Variants in DNAH2 observed in about 807,000 individuals in gnomAD.
DNAH2 encodes axonemal beta dynein heavy chain 2.
Under a neutral mutation model 523.5 loss-of-function variants are expected in DNAH2, and 323 were observed. The observed-to-expected ratio is 0.62, with a 90% CI of 0.56 to 0.68. The LOEUF (loss-of-function observed/expected upper bound fraction) is 0.68. Among genes scored for constraint, DNAH2 ranks in the 30% least tolerant of loss-of-function variants. DNAH2 has a pLI of 0.00. For missense variants in DNAH2, 4,907 were observed against 5,701.5 expected, an observed-to-expected ratio of 0.86 and a Z score of 4.49; for synonymous variants, 2,093 against 2,177.4, an observed-to-expected ratio of 0.96 and a Z score of 1.08.
chr17:7,739,144 G>A (rs886241364), intron 8 of DNAH2: 3 of 576,458 alleles, frequency 5.2e-6, no homozygotes, highest in Non-Finnish European at 9.6e-6. Flanking sequence ...GGTGGCTCAC[G>A]CCTGTAATCC....
In DNAH2 at chr17:7,805,268, A is replaced by T. The variant is rs1447096678; in HGVS notation, c.9317A>T (p.Asn3106Ile). 1.9e-6 allele frequency: 3 copies of T among 1,614,122 alleles called. No homozygotes were observed. Among genetic ancestry groups the T allele is most frequent in the Non-Finnish European group, 2.5e-6 (3 of 1,180,050 alleles). The change falls in exon 61 of 86, where the codon AAC (asparagine) becomes ATC (isoleucine). Residue 3106 changes from asparagine (N) to isoleucine (I), a missense_variant. Coordinates refer to ENST00000572933, the MANE Select transcript of DNAH2 (RefSeq NM_020877.5). The stretch of plus-strand genomic sequence containing the variant: ...TTCCCCCAGGCCCTGGAGTCTCTGA[A>T]CAAGAAGGATATAGGAGAGATCAAG... ...EEAMRALESL[N>I]KKDIGEIKSY...
At position 7,798,490 on chromosome 17, in the gene DNAH2, C is replaced by T; in HGVS notation, c.8399-68C>T. ...CGGGGCGGGGAGGGTTCCTAAATCT[C>T]AGAAAAGGAATCAAGCCCAGGATGG... is the stretch of plus-strand genomic sequence containing the variant. On this transcript the variant is annotated intron_variant, in intron 54 of 85. Transcript: ENST00000572933. The surrounding 1 kb of genome is among the most constrained non-coding windows in gnomAD (Gnocchi z 5.5). 1 of 1,592,976 alleles carries T rather than the reference C, an allele frequency of 6.3e-7. No homozygotes were observed. The highest frequency in any genetic ancestry group is 8.5e-7 in the Non-Finnish European group (1 of 1,169,842).
At chr17:7,728,126 T>C (rs2074880194) in intron 4 of DNAH2, among the ~76,000 whole-genome samples, 1 of 152,202 alleles carries the variant, frequency 6.6e-6, no homozygotes, top group South Asian at 2.1e-4. Flanking sequence ...AAGTCTTTTA[T>C]AGTTTAGATA....
At position 7,824,577 on chromosome 17, in the gene DNAH2, T is replaced by C; in HGVS notation, c.11703T>C (p.Ser3901=). The C allele has an allele frequency of 6.3e-7, 1 of 1,593,952 alleles. No homozygotes were observed. Among genetic ancestry groups the C allele is most frequent in the African/African-American group, 1.3e-5 (1 of 74,456 alleles). The change falls in exon 77 of 86, where the codon TCT becomes TCC. Residue 3901 remains serine (S), a synonymous_variant. Transcript: ENST00000572933. ...TGGCAAACTGCCACCTGTCACTGTC[T>C]TGGATGCCTAATCTGGACAAGCTGG... The part of the protein sequence containing the change: ...VFLANCHLSL[S]WMPNLDKLVE...
rs369061468 is a variant in DNAH2, at chr17:7,807,269, C to T, written c.9562C>T (p.Arg3188Cys). 2.7e-5 allele frequency: 43 copies of T among 1,613,890 alleles called. No homozygotes were observed. The highest frequency in any genetic ancestry group is 3.2e-5 in the Non-Finnish European group (38 of 1,180,028). The part of the protein sequence containing the change: ...QPDFQPDIIG[R>C]VSLAAKSLCM... ...TGACTTCCAGCCTGATATCATCGGC[C>T]GCGTCTCCCTGGCTGCCAAGTCCCT... The change falls in exon 62 of 86, where the codon CGC (arginine) becomes TGC (cysteine). Residue 3188 changes from arginine to cysteine, a missense_variant. Arg to Cys is a radical substitution (Grantham distance 180). Around this residue, in one of 3 missense-constraint regions of DNAH2, gnomAD observed 1,851 missense variants for 2,139.4 expected, o/e 0.87. Coordinates refer to ENST00000572933, the MANE Select transcript of DNAH2 (RefSeq NM_020877.5). The surrounding 1 kb of genome is among the most constrained non-coding windows in gnomAD (Gnocchi z 5.6).
Position 7,776,788 on chromosome 17 carries a change from A to G in DNAH2, c.4957A>G (p.Thr1653Ala), listed in dbSNP as rs1397761084. 1.9e-6 allele frequency: 3 copies of G among 1,612,428 alleles called. No homozygotes were observed. The Admixed American group carries it at 5.0e-5, about 27-fold the overall frequency. Residue 1653 changes from threonine to alanine, a missense_variant, in exon 32 of 86, where the codon ACT (threonine) becomes GCT (alanine). Physicochemically the swap from Thr to Ala is moderately conservative, Grantham distance 58. Transcript: ENST00000572933. ...VKEWAGQVVI[T>A]ASQIQWTADV... ...TTCTGCACATCCCCAGGTGGTGATC[A>G]CTGCCAGTCAGATCCAGTGGACGGC...
In DNAH2 at chr17:7,771,354, C is replaced by T. The variant is rs376959169; in HGVS notation, c.4387C>T (p.Arg1463Cys). 43 of 1,613,988 alleles carry T rather than the reference C, an allele frequency of 2.7e-5. No individual in the cohort carries two copies. Among genetic ancestry groups the T allele is most frequent in the African/African-American group, 1.1e-4 (8 of 74,894 alleles). Reference protein sequence around the residue: ...LENIFLGEDIRKQLPNESTLF... With the variant: ...LENIFLGEDICKQLPNESTLF... ...GAATATCTTCCTAGGAGAAGACATC[C>T]GCAAGCAGCTGCCCAATGAATCGAC... is the stretch of plus-strand genomic sequence containing the variant. The change falls in exon 28 of 86, where the codon CGC (arginine) becomes TGC (cysteine). Residue 1463 changes from arginine (R) to cysteine (C), a missense_variant. By Grantham distance (180) the Arg-to-Cys change is radical (BLOSUM62 -3). This residue lies in a region of DNAH2 where 2,806 missense variants were observed against 3,190.8 expected (regional missense o/e 0.88). Transcript: ENST00000572933.
rs2075793807 is a variant in DNAH2, at chr17:7,754,912, G to A, written c.1905-2179G>A. ...CAGGTGCCACCCACCCCGGGCTGCC[G>A]TCTGCATGGGGCTGGGGTCCTCCTG... On this transcript the variant is annotated intron_variant, in intron 12 of 85. Coordinates refer to ENST00000572933, the MANE Select transcript of DNAH2 (RefSeq NM_020877.5). The surrounding 1 kb of genome is among the most constrained non-coding windows in gnomAD (Gnocchi z 4.6). 4 of 552,364 alleles carry A rather than the reference G, an allele frequency of 7.2e-6. No individual in the cohort carries two copies. The highest frequency in any genetic ancestry group is 1.3e-5 in the Non-Finnish European group (4 of 310,048). 34.2% of individuals were successfully genotyped at this position (552,364 alleles called of 1,614,324 possible). A position where few individuals can be genotyped will look rare whatever the true frequency, so the allele number is the denominator to read the frequency against.
chr17:7,811,508 A>C (rs2077516465), intron 63 of DNAH2, among the ~76,000 whole-genome samples: 1 of 151,532 alleles, frequency 6.6e-6, no homozygotes, highest in South Asian at 2.1e-4. Context: ...CCTATAACAA[A>C]ATACTGGGTA....
rs755312997 is a variant in DNAH2 at position 7,760,022 on chromosome 17, T to C, written c.2785+84T>C. 4 of 1,591,416 alleles carry C rather than the reference T, an allele frequency of 2.5e-6. No individual in the cohort carries two copies. The highest frequency in any genetic ancestry group is 1.3e-5 in the African/African-American group (1 of 74,558). On this transcript the variant is annotated intron_variant, in intron 17 of 85. Transcript: ENST00000572933. This position sits in a 1 kb window ranked among gnomAD's most constrained non-coding sequence, Gnocchi z 4.0. ...AGGCCAGGAGGAGAGACCAGGGCTATTTCCAGGCATACTGGGCCAGTCACC... is the reference window on the plus strand; with the variant it reads ...AGGCCAGGAGGAGAGACCAGGGCTACTTCCAGGCATACTGGGCCAGTCACC...
At chr17:7,811,195 A>G (rs2077507704) in intron 63 of DNAH2, among the ~76,000 whole-genome samples, 1 of 152,232 alleles carries the variant, frequency 6.6e-6, no homozygotes, top group Non-Finnish European at 1.5e-5. Context: ...ATTGTCCAAC[A>G]TAACATATCA....
Position 7,823,561 on chromosome 17 carries a change from T to C in DNAH2, c.11262T>C (p.Phe3754=), listed in dbSNP as rs145066462. ...ACTTCCACGGACTCATGAACTCCTT[T>C]GAGCAGTACCCTCGTGACTGGCACC... ...LTNFHGLMNS[F]EQYPRDWHLW... Residue 3754 remains phenylalanine, a synonymous_variant, in exon 74 of 86, where the codon TTT becomes TTC. Transcript: ENST00000572933. 4.8e-5 allele frequency: 77 copies of C among 1,614,056 alleles called. No individual in the cohort carries two copies. The highest frequency in any genetic ancestry group is 6.3e-5 in the Non-Finnish European group (74 of 1,180,026).
At position 7,796,587 on chromosome 17, in the gene DNAH2, G is replaced by T; in HGVS notation, c.7798G>T (p.Val2600Leu). ...EATLDMYNTV[V>L]QRFLPTPTKM... The stretch of plus-strand genomic sequence containing the variant: ...CACCCTGGACATGTACAACACCGTG[G>T]TACAGCGCTTCCTGCCCACGCCCAC... The change falls in exon 50 of 86, where the codon GTA (valine) becomes TTA (leucine). Residue 2600 changes from valine (V) to leucine (L), a missense_variant. Physicochemically the swap from Val to Leu is conservative, Grantham distance 32. Around this residue, in one of 3 missense-constraint regions of DNAH2, gnomAD observed 250 missense variants for 371.3 expected, o/e 0.67. Transcript: ENST00000572933. The T allele has an allele frequency of 6.2e-7, 1 of 1,613,350 alleles. No individual in the cohort carries two copies. The highest frequency in any genetic ancestry group is 8.5e-7 in the Non-Finnish European group (1 of 1,179,912).
rs2077400222 is a variant in DNAH2, at chr17:7,807,508, A to C, written c.9651A>C (p.Arg3217=). ...GRLYRVVEPK[R]IRMNAALAQL... ...TATATCGGGTGGTGGAGCCCAAGCG[A>C]ATCCGAATGAACGCTGCCTTGGCTC... Residue 3217 remains arginine (R), a synonymous_variant, in exon 63 of 86, where the codon CGA becomes CGC. Transcript: ENST00000572933. The surrounding 1 kb of genome is among the most constrained non-coding windows in gnomAD (Gnocchi z 5.6). 1 of 1,613,496 alleles carries C rather than the reference A, an allele frequency of 6.2e-7. No homozygotes were observed. Among genetic ancestry groups the C allele is most frequent in the African/African-American group, 1.3e-5 (1 of 74,926 alleles).
At chr17:7,816,771 C>G (rs200316970) in intron 64 of DNAH2, 36 bp downstream of exon 64, 1 of 1,603,556 alleles carries the variant, frequency 6.2e-7, no homozygotes, top group Middle Eastern at 2.2e-4. Context: ...TCCTTTCACT[C>G]TGCTCGCCAC....
chr17:7,777,651 C>A lies in DNAH2; in HGVS notation c.5247+17C>A, dbSNP rs746007392. On this transcript the variant is annotated intron_variant, in intron 33 of 85. Coordinates refer to ENST00000572933, the MANE Select transcript of DNAH2 (RefSeq NM_020877.5). The stretch of plus-strand genomic sequence containing the variant: ...TGGGAGAAGGTGCCAGATGGGCCAC[C>A]TCCCCACTCTCTTACCGTAAAATGG... 4 of 1,613,158 alleles carry A rather than the reference C, an allele frequency of 2.5e-6. No homozygotes were observed. In the Admixed American group the frequency reaches 5.0e-5, roughly 20 times the overall value.
In DNAH2 at chr17:7,723,617, A is replaced by G; in HGVS notation, c.167-11A>G. ...GAAATGCCTTCCTTTTTGTATGTTT[A>G]TTCTTCCTAGAGCCACGGTTGGAGG... is the stretch of plus-strand genomic sequence containing the variant. On this transcript the variant is annotated splice_polypyrimidine_tract_variant and intron_variant, in intron 2 of 85. Transcript: ENST00000572933. 4 of 1,613,380 alleles carry G rather than the reference A, an allele frequency of 2.5e-6. No individual in the cohort carries two copies. The highest frequency in any genetic ancestry group is 1.7e-5 in the Admixed American group (1 of 59,954).
At position 7,776,836 on chromosome 17, in the gene DNAH2, A is replaced by T. The variant is rs1456619924; in HGVS notation, c.5005A>T (p.Thr1669Ser). The change falls in exon 32 of 86, where the codon ACA becomes TCA. Residue 1669 changes from threonine to serine, a missense_variant. Physicochemically the swap from Thr to Ser is moderately conservative, Grantham distance 58 (BLOSUM62 1). Transcript: ENST00000572933. ...GGCTGATGTCACCAAGTGCCTGCTG[A>T]CAGCGAAGGAGCGGGCAGACAAGAA... ...WTADVTKCLL[T>S]AKERADKKIL... The T allele has an allele frequency of 3.7e-6, 6 of 1,613,260 alleles. No homozygotes were observed. The highest frequency in any genetic ancestry group is 4.2e-6 in the Non-Finnish European group (5 of 1,179,484).
intron 63 of DNAH2, among the ~76,000 whole-genome samples, chr17:7,811,192 A>G (rs2077507403): frequency 6.6e-6 from 1 of 152,230 alleles, no homozygotes; most frequent in Non-Finnish European, 1.5e-5. Flanking sequence ...CACATTGTCC[A>G]ACATAACATA....
Sources: allele counts gnomAD v4.1 joint callset (sites outside exome capture counted in the v4.1 genomes callset), GRCh38; gene constraint gnomAD v4.1.1; regional missense constraint gnomAD v4.1.1; non-coding constraint Gnocchi (gnomAD v3.1); transcripts MANE v1.5; gene names NCBI Gene and HGNC (gene_info 2026-07-23, HGNC 2026-07-21).